MUC5AC: variants seen among roughly 807,000 people sequenced by gnomAD.
MUC5AC encodes mucin 5AC, oligomeric mucus/gel-forming.
In MUC5AC, 158 loss-of-function variants were observed where a neutral mutation model predicts 169.7. The ratio of observed to expected loss-of-function variants is 0.93; its 90% CI spans 0.82 to 1.06. The LOEUF is 1.06. Ranked by LOEUF, MUC5AC falls within the 50% of genes least tolerant of loss-of-function variation. The pLI, the probability that MUC5AC is intolerant of heterozygous loss-of-function variation, is 0.00. For missense variants in MUC5AC, 4,359 were observed against 3,089.9 expected (o/e 1.41, Z -9.74); for synonymous variants, 1,975 against 1,237.0 (o/e 1.60, Z -12.52).
chr11:1,195,463 G>A, intron 36 of MUC5AC, among the ~76,000 whole-genome samples, 184 bp downstream of exon 36: 1 of 151,958 alleles, frequency 6.6e-6, no homozygotes, highest in East Asian at 1.9e-4. Context: ...GGTGGGCAGT[G>A]GGGAGGGGCG....
chr11:1,177,522 A>G lies in MUC5AC; in HGVS notation c.2976A>G (p.Pro992=). The G allele has an allele frequency of 7.5e-6, 3 of 398,720 alleles. No individual in the cohort carries two copies. Among genetic ancestry groups the G allele is most frequent in the Non-Finnish European group, 1.3e-5 (3 of 226,144 alleles). 24.7% of individuals were successfully genotyped at this position (398,720 alleles called of 1,614,324 possible). ...VIGTDESQEV[P]YTIRQMGIYL... Reference sequence around the variant, plus strand: ...GGACGGACGAGAGCCAGGAGGTGCCATACACCATCCGGCAGATGGGCATCT... The same window carrying G: ...GGACGGACGAGAGCCAGGAGGTGCCGTACACCATCCGGCAGATGGGCATCT... Residue 992 remains proline, a synonymous_variant, in exon 24 of 49, where the codon CCA becomes CCG. Coordinates refer to ENST00000621226, the MANE Select transcript of MUC5AC (RefSeq NM_001304359.2).
chr11:1,160,068 G>A (rs1470102997), intron 1 of MUC5AC, among the ~76,000 whole-genome samples: 1 of 151,756 alleles, frequency 6.6e-6, no homozygotes, highest in Non-Finnish European at 1.5e-5. Flanking sequence ...CTGGCTCTGT[G>A]CAGGGCTGTG....
chr11:1,160,570 G>A, intron 1 of MUC5AC, 42 bp from the exon 2 acceptor site: 1 of 1,559,886 alleles, frequency 6.4e-7, no homozygotes, highest in South Asian at 1.2e-5. Flanking sequence ...AGCCCCCTCA[G>A]CCACCCTGCA....
In MUC5AC at chr11:1,200,780, C is replaced by T. The variant is rs894531450; in HGVS notation, c.*78C>T. On this transcript the variant is annotated 3_prime_UTR_variant, in exon 49 of 49. Coordinates refer to ENST00000621226, the MANE Select transcript of MUC5AC (RefSeq NM_001304359.2). The stretch of plus-strand genomic sequence containing the variant: ...AGCTCGGCTTCCAAGGCCAGTGGAA[C>T]TTGTGCCCCTGTCCAGGCGGCTGCA... 4.1e-5 allele frequency: 27 copies of T among 665,836 alleles called. No individual in the cohort carries two copies. The highest frequency in any genetic ancestry group is 1.8e-5 in the African/African-American group (1 of 56,100). 41.2% of individuals were successfully genotyped at this position (665,836 alleles called of 1,614,324 possible).
At chr11:1,195,319 G>A (rs771895819) in intron 36 of MUC5AC, 40 bp downstream of exon 36, 21 of 746,730 alleles carry the variant, frequency 2.8e-5, no homozygotes, top group South Asian at 4.1e-5. Flanking sequence ...CAGTGTGGCC[G>A]CCCCACCTCC....
rs1176459795 is a variant in MUC5AC at position 1,188,739 on chromosome 11, G to A, written c.10594G>A (p.Val3532Met). Residue 3532 changes from valine to methionine, a missense_variant, in exon 31 of 49, where the codon GTG becomes ATG. Physicochemically the swap from Val to Met is conservative, Grantham distance 21. Coordinates refer to ENST00000621226, the MANE Select transcript of MUC5AC (RefSeq NM_001304359.2). ...GTGCACCTGGACCAAATGGTTTGAT[G>A]TGGACTTTCCATCCCCTGGACCCCA... Reference protein sequence around the residue: ...PRCTWTKWFDVDFPSPGPHGG... With the variant: ...PRCTWTKWFDMDFPSPGPHGG... 1.0e-5 allele frequency: 8 copies of A among 762,378 alleles called. No homozygotes were observed. The East Asian group carries it at 1.5e-4, about 14-fold the overall frequency. The allele number at this position is 762,378 out of a possible 1,614,324, so 47.2% of individuals were successfully genotyped here.
Position 1,186,880 on chromosome 11 carries a change from C to G in MUC5AC, c.8735C>G (p.Pro2912Arg). Reference sequence around the variant, plus strand: ...CCTACAACCAGCACAACCTCTGCCCCTACAACCAGCACAACCTCTGCCCCT... The same window carrying G: ...CCTACAACCAGCACAACCTCTGCCCGTACAACCAGCACAACCTCTGCCCCT... Reference protein sequence around the residue: ...SAPTTSTTSAPTTSTTSAPTS... With the variant: ...SAPTTSTTSARTTSTTSAPTS... Residue 2912 changes from proline (P) to arginine (R), a missense_variant, in exon 31 of 49, where the codon CCT becomes CGT. Pro to Arg is a moderately radical substitution (Grantham distance 103). Transcript: ENST00000621226. 1 of 728,686 alleles carries G rather than the reference C, an allele frequency of 1.4e-6. No homozygotes were observed. Among genetic ancestry groups the G allele is most frequent in the Admixed American group, 1.9e-5 (1 of 52,910 alleles). The allele number at this position is 728,686 out of a possible 1,614,324, so 45.1% of individuals were successfully genotyped here. A position where few individuals can be genotyped will look rare whatever the true frequency, so the allele number is the denominator to read the frequency against.
At chr11:1,193,169 G>A (rs1483082980) in intron 32 of MUC5AC, among the ~76,000 whole-genome samples, 187 bp downstream of exon 32, 2 of 152,230 alleles carry the variant, frequency 1.3e-5, no homozygotes, top group Non-Finnish European at 2.9e-5. Flanking sequence ...TCCCAGGCAC[G>A]TGCTTTCCAG....
chr11:1,194,733 G>T, intron 35 of MUC5AC, 63 bp downstream of exon 35: 1 of 692,020 alleles, frequency 1.4e-6, no homozygotes, highest in South Asian at 1.6e-5. Context: ...CCGGGCAGGG[G>T]CGAGGCCACC....
In MUC5AC at chr11:1,161,989, C is replaced by T. The variant is rs1193117487; in HGVS notation, c.294C>T (p.Arg98=). The T allele has an allele frequency of 2.2e-5, 35 of 1,612,462 alleles. No homozygotes were observed. Among genetic ancestry groups the T allele is most frequent in the Non-Finnish European group, 2.9e-5 (34 of 1,179,740 alleles). The change falls in exon 4 of 49, where the codon CGC becomes CGT. Residue 98 remains arginine (R), a synonymous_variant. Coordinates refer to ENST00000621226, the MANE Select transcript of MUC5AC (RefSeq NM_001304359.2). ...HYKTFDGDVF[R]FPGLCNYVFS... Reference sequence around the variant, plus strand: ...AGACCTTCGACGGCGACGTCTTCCGCTTCCCCGGCCTCTGCAACTACGTGT... The same window carrying T: ...AGACCTTCGACGGCGACGTCTTCCGTTTCCCCGGCCTCTGCAACTACGTGT...
At chr11:1,173,790 GCTC>G (rs1860611886) in intron 16 of MUC5AC, among the ~76,000 whole-genome samples, 1 of 105,922 alleles carries the variant, frequency 9.4e-6, no homozygotes, top group African/African-American at 3.7e-5. Context: ...CCACTCACTC[GCTC>G]ATTCCCTCAT....
chr11:1,186,438 A>G lies in MUC5AC; in HGVS notation c.8293A>G (p.Thr2765Ala). 1 of 700,930 alleles carries G rather than the reference A, an allele frequency of 1.4e-6. No homozygotes were observed. The highest frequency in any genetic ancestry group is 2.6e-6 in the Non-Finnish European group (1 of 383,896). The allele number at this position is 700,930 out of a possible 1,614,324, so 43.4% of individuals were successfully genotyped here. A position where few individuals can be genotyped will look rare whatever the true frequency, so the allele number is the denominator to read the frequency against. Residue 2765 changes from threonine to alanine, a missense_variant, in exon 31 of 49, where the codon ACC becomes GCC. By Grantham distance (58) the Thr-to-Ala change is moderately conservative. Transcript: ENST00000621226. ...STISASTTSTTSATTTSTTSA... is the reference protein window; with the variant it reads ...STISASTTSTASATTTSTTSA... ...AATCTCTGCCTCTACCACCAGCACA[A>G]CCTCTGCGACTACAACCAGCACAAC...
At position 1,196,900 on chromosome 11, in the gene MUC5AC, C is replaced by T. The variant is rs1861290325; in HGVS notation, c.15853C>T (p.Pro5285Ser). ...CPRCLGPHGE[P>S]VKVGHTVGMD... The stretch of plus-strand genomic sequence containing the variant: ...AGGGTGTCTGGGGCCCCACGGAGAG[C>T]CGGTGAAGGTGAGTGGAAGGCATGG... The change falls in exon 40 of 49, where the codon CCG becomes TCG. Residue 5285 changes from proline (P) to serine (S), a missense_variant. Transcript: ENST00000621226. 1 of 763,262 alleles carries T rather than the reference C, an allele frequency of 1.3e-6. No individual in the cohort carries two copies. Among genetic ancestry groups the T allele is most frequent in the Non-Finnish European group, 2.4e-6 (1 of 417,156 alleles). The allele number at this position is 763,262 out of a possible 1,614,324, so 47.3% of individuals were successfully genotyped here. A position where few individuals can be genotyped will look rare whatever the true frequency, so the allele number is the denominator to read the frequency against.
chr11:1,196,868 T>A lies in MUC5AC; in HGVS notation c.15830-9T>A. Reference sequence around the variant, plus strand: ...GACCCCCAGTAACCTCAGATCTCTCTCCTTCCAGGGTGTCTGGGGCCCCAC... The same window carrying A: ...GACCCCCAGTAACCTCAGATCTCTCACCTTCCAGGGTGTCTGGGGCCCCAC... On this transcript the variant is annotated splice_polypyrimidine_tract_variant and intron_variant, in intron 39 of 48. Coordinates refer to ENST00000621226, the MANE Select transcript of MUC5AC (RefSeq NM_001304359.2). 2.6e-6 allele frequency: 2 copies of A among 762,828 alleles called. No homozygotes were observed. Among genetic ancestry groups the A allele is most frequent in the Non-Finnish European group, 4.8e-6 (2 of 417,094 alleles). The allele number at this position is 762,828 out of a possible 1,614,324, so 47.3% of individuals were successfully genotyped here.
chr11:1,197,859 G>C (rs1367755911), intron 41 of MUC5AC, 44 bp from the exon 42 acceptor site: 2 of 691,836 alleles, frequency 2.9e-6, no homozygotes, highest in African/African-American at 3.5e-5. Flanking sequence ...CTTCGGGTGG[G>C]GGCGGGGGAC....
At chr11:1,193,719 G>C (rs1861184337) in intron 33 of MUC5AC, 60 bp downstream of exon 33, 1 of 747,662 alleles carries the variant, frequency 1.3e-6, no homozygotes, top group Admixed American at 1.7e-5. Context: ...CACCCAGGTG[G>C]AAATGGGCGG....
Position 1,197,898 on chromosome 11 carries a change from C to T in MUC5AC, c.16034-5C>T, listed in dbSNP as rs1393568624. On this transcript the variant is annotated splice_polypyrimidine_tract_variant and splice_region_variant and intron_variant, in intron 41 of 48. Transcript: ENST00000621226. ...CTCCTAATTGCCTCACTCCCGCCCCCGCAGCCTGCAACACCAGCCGCTGCC... is the reference window on the plus strand; with the variant it reads ...CTCCTAATTGCCTCACTCCCGCCCCTGCAGCCTGCAACACCAGCCGCTGCC... 7 of 713,898 alleles carry T rather than the reference C, an allele frequency of 9.8e-6. No individual in the cohort carries two copies. Among genetic ancestry groups the T allele is most frequent in the Non-Finnish European group, 1.5e-5 (6 of 393,254 alleles). 44.2% of individuals were successfully genotyped at this position (713,898 alleles called of 1,614,324 possible).
chr11:1,163,809 G>A (rs1042404267), intron 6 of MUC5AC, 73 bp from the exon 7 acceptor site: 8 of 1,222,554 alleles, frequency 6.5e-6, no homozygotes, highest in Middle Eastern at 1.9e-4. Context: ...GGCCCTGGGG[G>A]CTCTGCTGCT....
At chr11:1,175,659 T>C (rs1163617562) in intron 19 of MUC5AC, among the ~76,000 whole-genome samples, 2 of 123,756 alleles carry the variant, frequency 1.6e-5, no homozygotes, top group Admixed American at 8.4e-5. Context: ...CACCCACTCA[T>C]ACACACGCAC....
Sources: allele counts gnomAD v4.1 joint callset (sites outside exome capture counted in the v4.1 genomes callset), GRCh38; gene constraint gnomAD v4.1.1; transcripts MANE v1.5; gene names NCBI Gene and HGNC (gene_info 2026-07-23, HGNC 2026-07-21).